CNBD1: variants seen among roughly 807,000 people sequenced by gnomAD.
CNBD1 encodes cyclic nucleotide-binding domain-containing protein 1.
A neutral mutation model predicts 54.4 loss-of-function variants in CNBD1; 71 were observed. The observed-to-expected ratio is 1.30, with a 90% CI of 1.08 to 1.59. The LOEUF (loss-of-function observed/expected upper bound fraction) is 1.59, where lower values mean the gene tolerates loss of function less well. Among genes scored for constraint, CNBD1 ranks in the 40% most tolerant of loss-of-function variants. The pLI, the probability that CNBD1 is intolerant of heterozygous loss-of-function variation, is 0.00. For missense variants in CNBD1, 659 were observed against 518.0 expected (o/e 1.27, Z -2.64); for synonymous variants, 182 against 170.7 (o/e 1.07, Z -0.51).
At chr8:87,052,556 G>C (rs140984596) in intron 4 of CNBD1, among the ~76,000 whole-genome samples, 15 of 152,158 alleles carry the variant, frequency 9.9e-5, no homozygotes, top group African/African-American at 3.6e-4. Flanking sequence ...GTATTCTTAA[G>C]GGGTACTGCC....
intron 4 of CNBD1, among the ~76,000 whole-genome samples, chr8:87,026,046 A>C (rs1809637732): frequency 6.6e-6 from 1 of 152,240 alleles, no homozygotes; most frequent in Non-Finnish European, 1.5e-5. Context: ...ATGGGATGTT[A>C]ACTTTTTTCT....
At chr8:87,362,284 T>C (rs961117392) in intron 10 of CNBD1, among the ~76,000 whole-genome samples, 1 of 152,060 alleles carries the variant, frequency 6.6e-6, no homozygotes, top group African/African-American at 2.4e-5. Context: ...TAAAATCATA[T>C]TGCCAAGAAT....
chr8:87,004,869 T>C (rs1448083264), intron 4 of CNBD1, among the ~76,000 whole-genome samples: 1 of 152,162 alleles, frequency 6.6e-6, no homozygotes, highest in Non-Finnish European at 1.5e-5. Flanking sequence ...AAACCATTCA[T>C]TGTTGAACTT....
intron 4 of CNBD1, among the ~76,000 whole-genome samples, chr8:86,946,411 G>A (rs1216323178): frequency 1.3e-5 from 2 of 151,896 alleles, no homozygotes; most frequent in Non-Finnish European, 2.9e-5. Context: ...TGATACCTTT[G>A]TTCTATTGTT....
At chr8:87,391,046 AC>A (rs1811298163) in intron 2 of CNBD1, among the ~76,000 whole-genome samples, 1 of 148,670 alleles carries the variant, frequency 6.7e-6, no homozygotes, top group African/African-American at 2.5e-5. Context: ...AACAAAGAGA[AC>A]CCATGGACAC....
intron 4 of CNBD1, among the ~76,000 whole-genome samples, chr8:86,994,678 A>G (rs997239166): frequency 4.6e-5 from 7 of 151,948 alleles, no homozygotes; most frequent in African/African-American, 1.7e-4. Flanking sequence ...AACTAGCTCT[A>G]ACATTTGAGT....
At chr8:87,096,605 C>G (rs765943819) in intron 4 of CNBD1, among the ~76,000 whole-genome samples, 7 of 151,964 alleles carry the variant, frequency 4.6e-5, no homozygotes, top group Non-Finnish European at 7.4e-5. Context: ...CAATGCACAC[C>G]AGGCCACTTT....
At chr8:87,335,102 C>A (rs1809916588) in intron 8 of CNBD1, among the ~76,000 whole-genome samples, 2 of 152,230 alleles carry the variant, frequency 1.3e-5, no homozygotes, top group East Asian at 3.9e-4. Flanking sequence ...TTTGCATTTG[C>A]TGAGGAGCGT....
chr8:87,416,970 A>G (rs943718185), intron 2 of CNBD1, among the ~76,000 whole-genome samples: 2 of 152,096 alleles, frequency 1.3e-5, no homozygotes, highest in Non-Finnish European at 2.9e-5. Context: ...GAGGTTCAAT[A>G]TAATCCATGA....
chr8:87,418,586 G>C (rs1807874761), intron 2 of CNBD1, among the ~76,000 whole-genome samples: 1 of 151,558 alleles, frequency 6.6e-6, no homozygotes, highest in Non-Finnish European at 1.5e-5. Context: ...CTACAAAAAA[G>C]GAAAAAGTAT....
intron 8 of CNBD1, among the ~76,000 whole-genome samples, chr8:87,323,379 T>C (rs1809585636): frequency 7.2e-6 from 1 of 139,636 alleles, no homozygotes; most frequent in Non-Finnish European, 1.6e-5. Flanking sequence ...GCATTGAATC[T>C]GTAAATTACC....
chr8:87,083,727 T>A (rs1176229746), intron 4 of CNBD1, among the ~76,000 whole-genome samples: 1 of 151,758 alleles, frequency 6.6e-6, no homozygotes, highest in African/African-American at 2.4e-5. Flanking sequence ...TAGCTGGGAC[T>A]ACAGTCGCCT....
chr8:87,096,542 A>G (rs974436540), intron 4 of CNBD1, among the ~76,000 whole-genome samples: 2 of 152,146 alleles, frequency 1.3e-5, no homozygotes, highest in African/African-American at 2.4e-5. Flanking sequence ...TATAATTTCA[A>G]TTTTTAATGC....
intron 8 of CNBD1, among the ~76,000 whole-genome samples, chr8:87,341,419 CTGGGAG>C (rs1810061354): frequency 6.6e-6 from 1 of 152,102 alleles, no homozygotes; most frequent in East Asian, 1.9e-4. Flanking sequence ...AAACTGGTTG[CTGGGAG>C]TTTTCTCTTA....
chr8:87,379,960 C>T (rs914153802), intron 10 of CNBD1, among the ~76,000 whole-genome samples: 1 of 151,732 alleles, frequency 6.6e-6, no homozygotes, highest in African/African-American at 2.4e-5. Flanking sequence ...GAAACATTTA[C>T]CAAGTGGTAA....
intron 4 of CNBD1, among the ~76,000 whole-genome samples, chr8:87,018,856 C>G (rs890094996): frequency 6.6e-6 from 1 of 152,046 alleles, no homozygotes; most frequent in Non-Finnish European, 1.5e-5. Context: ...AAAATCAAAC[C>G]CTCCAAATCA....
At chr8:86,965,233 GAAAC>G (rs1339474962) in intron 4 of CNBD1, among the ~76,000 whole-genome samples, 2 of 152,156 alleles carry the variant, frequency 1.3e-5, no homozygotes, top group African/African-American at 4.8e-5. Context: ...AAAAAAGAAA[GAAAC>G]AATAATAGGA....
chr8:86,984,212 A>G (rs1393976354), intron 4 of CNBD1, among the ~76,000 whole-genome samples: 1 of 152,156 alleles, frequency 6.6e-6, no homozygotes, highest in Non-Finnish European at 1.5e-5. Flanking sequence ...CATGATATTG[A>G]GTCTGTGAGT....
chr8:87,054,107 G>A (rs997374477), intron 4 of CNBD1, among the ~76,000 whole-genome samples: 7 of 152,204 alleles, frequency 4.6e-5, no homozygotes, highest in Non-Finnish European at 1.0e-4. Context: ...CTGATAGAAA[G>A]GTGCAGATGA....
Sources: gnomAD v4.1 joint callset for allele counts (sites outside exome capture counted in the v4.1 genomes callset) on GRCh38, gnomAD v4.1.1 for gene constraint, MANE v1.5 for transcripts, NCBI Gene and HGNC (gene_info 2026-07-23, HGNC 2026-07-21) for gene names.